HS3ST4: variants seen among roughly 807,000 people sequenced by gnomAD.
The protein encoded by HS3ST4 is heparan sulfate-glucosamine 3-sulfotransferase 4.
A neutral mutation model predicts 29.2 loss-of-function variants in HS3ST4; 17 were observed. The ratio of observed to expected loss-of-function variants is 0.58; its 90% CI spans 0.40 to 0.87. The LOEUF is 0.87. Among genes scored for constraint, HS3ST4 ranks in the 40% least tolerant of loss-of-function variants. The pLI, the probability that HS3ST4 is intolerant of heterozygous loss-of-function variation, is 0.00. For missense variants in HS3ST4, 627 were observed against 634.5 expected, an observed-to-expected ratio of 0.99 and a Z score of 0.13; for synonymous variants, 314 against 285.7, an observed-to-expected ratio of 1.10 and a Z score of -1.00.
At chr16:26,084,576 G>C (rs1314407992) in intron 1 of HS3ST4, among the ~76,000 whole-genome samples, 1 of 151,980 alleles carries the variant, frequency 6.6e-6, no homozygotes. Context: ...TTTATCTCCT[G>C]AGATCCTTAT....
At chr16:26,003,625 G>C (rs1440237090) in intron 1 of HS3ST4, among the ~76,000 whole-genome samples, 1 of 152,180 alleles carries the variant, frequency 6.6e-6, no homozygotes, top group Middle Eastern at 3.2e-3. Context: ...TTCCAAGTGT[G>C]ACTTTTGGCA....
chr16:25,781,234 G>A (rs999601186), intron 1 of HS3ST4, among the ~76,000 whole-genome samples: 1 of 152,156 alleles, frequency 6.6e-6, no homozygotes, highest in African/African-American at 2.4e-5. Flanking sequence ...CCGTGAGCTG[G>A]TATCAGCGCT....
At chr16:25,934,853 A>C (rs77466345) in intron 1 of HS3ST4, among the ~76,000 whole-genome samples, 1 of 152,110 alleles carries the variant, frequency 6.6e-6, no homozygotes. Context: ...GAGATTTCTC[A>C]TATATTCCCC....
At chr16:25,809,929 G>A (rs541515674) in intron 1 of HS3ST4, among the ~76,000 whole-genome samples, 72 of 152,044 alleles carry the variant, frequency 4.7e-4, no homozygotes, top group African/African-American at 1.7e-3. Flanking sequence ...TTTCTTCAAA[G>A]AACCAGCTAT....
At chr16:25,821,745 A>G (rs1967158555) in intron 1 of HS3ST4, among the ~76,000 whole-genome samples, 1 of 152,086 alleles carries the variant, frequency 6.6e-6, no homozygotes, top group African/African-American at 2.4e-5. Context: ...TGGGCAACAC[A>G]GTGAAATCCT....
At chr16:26,099,126 T>A (rs145449836) in intron 1 of HS3ST4, among the ~76,000 whole-genome samples, 322 of 152,228 alleles carry the variant, frequency 2.1e-3, no homozygotes, top group African/African-American at 7.6e-3. Flanking sequence ...GTTAAATAAT[T>A]TTCCCCAAGT....
At chr16:25,987,767 GATTA>G (rs1969077931) in intron 1 of HS3ST4, among the ~76,000 whole-genome samples, 1 of 148,132 alleles carries the variant, frequency 6.8e-6, no homozygotes, top group African/African-American at 2.4e-5. Flanking sequence ...TTGATTGATT[GATTA>G]ATTGATTTTT....
rs568986437 is a variant in HS3ST4, at chr16:25,949,737, G to A, written c.735-185875G>A. 2.8e-4 allele frequency among the ~76,000 whole-genome samples: 42 copies of A among 152,242 alleles called. No individual in the cohort carries two copies. In the South Asian group the frequency reaches 7.5e-3, roughly 27 times the overall value. On this transcript the variant is annotated intron_variant, in intron 1 of 1. Transcript: ENST00000331351. ...AAATGGACTCAGCAGGATTCTTGTC[G>A]AAGGTGGGACAGGGTGATTGGTTAT...
chr16:25,792,482 T>A (rs1966871409), intron 1 of HS3ST4, among the ~76,000 whole-genome samples: 1 of 151,982 alleles, frequency 6.6e-6, no homozygotes, highest in African/African-American at 2.4e-5. Flanking sequence ...TTCCCTTATT[T>A]ATAGAGGACT....
intron 1 of HS3ST4, among the ~76,000 whole-genome samples, chr16:26,098,157 A>C (rs1898950607): frequency 6.6e-6 from 1 of 152,222 alleles, no homozygotes; most frequent in South Asian, 2.1e-4. Context: ...TAGTTCAACC[A>C]TTGTGAAAGA....
chr16:25,830,800 C>T (rs1374232415), intron 1 of HS3ST4, among the ~76,000 whole-genome samples: 2 of 152,080 alleles, frequency 1.3e-5, no homozygotes, highest in Admixed American at 6.6e-5. Context: ...TTCCAACCCA[C>T]CTCTATCTCT....
chr16:25,713,788 C>T (rs1376179045), intron 1 of HS3ST4, among the ~76,000 whole-genome samples: 1 of 152,132 alleles, frequency 6.6e-6, no homozygotes, highest in East Asian at 1.9e-4. Context: ...TCAGAGAGAA[C>T]ACAACTCGGT....
chr16:26,046,478 G>C (rs912354979), intron 1 of HS3ST4, among the ~76,000 whole-genome samples: 2 of 152,068 alleles, frequency 1.3e-5, no homozygotes, highest in East Asian at 3.8e-4. Flanking sequence ...CAGTCCTGCT[G>C]TTTGTCCATG....
chr16:25,985,037 G>A (rs974974609), intron 1 of HS3ST4, among the ~76,000 whole-genome samples: 3 of 152,206 alleles, frequency 2.0e-5, no homozygotes, highest in Non-Finnish European at 4.4e-5. Flanking sequence ...CATAGTTATC[G>A]AGAGTGCTGG....
At chr16:25,816,590 A>T (rs1967094393) in intron 1 of HS3ST4, among the ~76,000 whole-genome samples, 1 of 152,222 alleles carries the variant, frequency 6.6e-6, no homozygotes, top group Non-Finnish European at 1.5e-5. Context: ...CGGAATCAGA[A>T]CTAAGAGTAT....
intron 1 of HS3ST4, among the ~76,000 whole-genome samples, chr16:26,100,283 A>T (rs1160921381): frequency 6.6e-6 from 1 of 152,170 alleles, no homozygotes; most frequent in Non-Finnish European, 1.5e-5. Context: ...TACCTCCTGG[A>T]TCTAAAATAA....
At chr16:25,829,224 A>G (rs1967269362) in intron 1 of HS3ST4, among the ~76,000 whole-genome samples, 1 of 152,178 alleles carries the variant, frequency 6.6e-6, no homozygotes, top group Admixed American at 6.5e-5. Context: ...TGCCTAGAAT[A>G]AGAATTTACT....
chr16:25,992,385 G>T (rs574893501), intron 1 of HS3ST4, among the ~76,000 whole-genome samples: 1 of 152,348 alleles, frequency 6.6e-6, no homozygotes, highest in Admixed American at 6.5e-5. Context: ...AAATGGGAGA[G>T]ATGGAAGAGT....
At chr16:26,041,495 C>CAAAA (rs1165343549) in intron 1 of HS3ST4, among the ~76,000 whole-genome samples, 1 of 151,992 alleles carries the variant, frequency 6.6e-6, no homozygotes, top group Non-Finnish European at 1.5e-5. Flanking sequence ...AAAAAACGAA[C>CAAAA]AAACAAAACA....
Sources: allele counts gnomAD v4.1 joint callset (sites outside exome capture counted in the v4.1 genomes callset), GRCh38; gene constraint gnomAD v4.1.1; transcripts MANE v1.5; gene names NCBI Gene and HGNC (gene_info 2026-07-23, HGNC 2026-07-21).